UGT2A2: variants seen among roughly 807,000 people sequenced by gnomAD.
UGT2A2 encodes the protein UDP-glucuronosyltransferase 2A2.
A neutral mutation model predicts 50.7 loss-of-function variants in UGT2A2; 60 were observed. The observed-to-expected ratio is 1.18, with a 90% CI of 0.96 to 1.47. The LOEUF is 1.47. UGT2A2 is among the 40% of genes most tolerant of loss of function. The pLI, the probability that UGT2A2 is intolerant of heterozygous loss-of-function variation, is 0.00. For synonymous variants in UGT2A2, 242 were observed against 214.6 expected (o/e 1.13, Z -1.11); for missense variants, 762 against 634.0 (o/e 1.20, Z -2.17).
intron 1 of UGT2A2, among the ~76,000 whole-genome samples, chr4:69,614,042 T>G (rs1720221749): frequency 1.3e-5 from 2 of 151,984 alleles, no homozygotes; most frequent in Admixed American, 6.6e-5. Context: ...TCAATTATTC[T>G]TATTTACAAA....
chr4:69,618,021 G>T (rs940464928), intron 1 of UGT2A2, among the ~76,000 whole-genome samples: 1 of 151,736 alleles, frequency 6.6e-6, no homozygotes, highest in African/African-American at 2.4e-5. Flanking sequence ...AATTTTCCAG[G>T]CCTTAAGAAT....
At chr4:69,614,188 C>A (rs1353763111) in intron 1 of UGT2A2, among the ~76,000 whole-genome samples, 1 of 151,622 alleles carries the variant, frequency 6.6e-6, no homozygotes, top group South Asian at 2.1e-4. Flanking sequence ...AACAGTGAAC[C>A]ATATGTTAAA....
intron 1 of UGT2A2, among the ~76,000 whole-genome samples, chr4:69,638,011 G>A (rs1721816169): frequency 6.7e-6 from 1 of 148,546 alleles, no homozygotes; most frequent in Non-Finnish European, 1.5e-5. Flanking sequence ...AAGGAAGGAA[G>A]GAAGGAAGGA....
At chr4:69,627,939 T>A (rs1161660971) in intron 1 of UGT2A2, among the ~76,000 whole-genome samples, 2 of 151,978 alleles carry the variant, frequency 1.3e-5, no homozygotes, top group African/African-American at 4.8e-5. Flanking sequence ...ATATATGTCT[T>A]ACGAATATTC....
At chr4:69,631,652 G>A (rs566282057) in intron 1 of UGT2A2, among the ~76,000 whole-genome samples, 22 of 152,266 alleles carry the variant, frequency 1.4e-4, no homozygotes, top group African/African-American at 4.6e-4. Context: ...AGCAAGGAGA[G>A]GAGTGTGTAC....
intron 1 of UGT2A2, among the ~76,000 whole-genome samples, chr4:69,626,201 G>T (rs1430622112): frequency 6.6e-6 from 1 of 150,954 alleles, no homozygotes; most frequent in Non-Finnish European, 1.5e-5. Flanking sequence ...CTGGTAGAGA[G>T]ATATTTGTAA....
At position 69,594,336 on chromosome 4, in the gene UGT2A2, G is replaced by C. The variant is rs944416728; in HGVS notation, c.1331+141C>G. The C allele has an allele frequency of 4.3e-6, 5 of 1,154,870 alleles. No homozygotes were observed. In the African/African-American group the frequency reaches 7.9e-5, roughly 18 times the overall value. 71.5% of individuals were successfully genotyped at this position (1,154,870 alleles called of 1,614,324 possible). On this transcript the variant is annotated intron_variant, in intron 5 of 5. Transcript: ENST00000604629. ...TTCAGCAAATCACTTTAGCAGTTTGGCAAATAAAATAGTTTTTATATTGGT... is the reference window on the plus strand; with the variant it reads ...TTCAGCAAATCACTTTAGCAGTTTGCCAAATAAAATAGTTTTTATATTGGT...
At chr4:69,606,394 A>C (rs1209958168) in intron 1 of UGT2A2, among the ~76,000 whole-genome samples, 2 of 136,746 alleles carry the variant, frequency 1.5e-5, no homozygotes, top group Non-Finnish European at 3.1e-5. Context: ...AAAAACTCTC[A>C]ATAAATTAGG....
chr4:69,615,543 C>G (rs1266325319), intron 1 of UGT2A2, among the ~76,000 whole-genome samples: 1 of 151,878 alleles, frequency 6.6e-6, no homozygotes, highest in African/African-American at 2.4e-5. Context: ...AATGAGTAAT[C>G]AAAAAGAAAT....
intron 1 of UGT2A2, among the ~76,000 whole-genome samples, chr4:69,626,194 G>A (rs1010229996): frequency 4.6e-5 from 7 of 150,850 alleles, no homozygotes; most frequent in African/African-American, 1.2e-4. Context: ...CTTTGATCTG[G>A]TAGAGAGATA....
chr4:69,639,190 C>G lies in UGT2A2; in HGVS notation c.451G>C (p.Gly151Arg), dbSNP rs767538678. 19 of 1,613,562 alleles carry G rather than the reference C, an allele frequency of 1.2e-5. No homozygotes were observed. The East Asian group carries it at 4.2e-4, about 36-fold the overall frequency. The change falls in exon 1 of 6, where the codon GGT becomes CGT. Residue 151 changes from glycine to arginine, a missense_variant. Gly to Arg is a moderately radical substitution (Grantham distance 125, BLOSUM62 -2). Transcript: ENST00000604629. The stretch of plus-strand genomic sequence containing the variant: ...TCTGCTACCAACACATCAAAACCAC[C>G]TTTCTGAAGTCTTGCCATCAACTTT... ...NPKLMARLQK[G>R]GFDVLVADPV...
Position 69,606,031 on chromosome 4 carries a change from C to T in UGT2A2, c.743-6637G>A, listed in dbSNP as rs1266085534. Among the ~76,000 whole-genome samples the T allele has an allele frequency of 2.2e-5, 3 of 136,540 alleles. 1 individual carries two copies. Among genetic ancestry groups the T allele is most frequent in the Non-Finnish European group, 4.7e-5 (3 of 64,222 alleles). The allele number at this position is 136,540 out of a possible 152,430, so 89.6% of individuals were successfully genotyped here. A position where few individuals can be genotyped will look rare whatever the true frequency, so the allele number is the denominator to read the frequency against. ...TGGTACCATTCCTTCTGAAACTATTCCAAGCAATAGAAAAAGAGGGAATCC... is the reference window on the plus strand; with the variant it reads ...TGGTACCATTCCTTCTGAAACTATTTCAAGCAATAGAAAAAGAGGGAATCC... On this transcript the variant is annotated intron_variant, in intron 1 of 5. Transcript: ENST00000604629.
At chr4:69,590,604 T>C (rs1017872321) in intron 5 of UGT2A2, among the ~76,000 whole-genome samples, 4 of 151,844 alleles carry the variant, frequency 2.6e-5, no homozygotes, top group Non-Finnish European at 5.9e-5. Flanking sequence ...ATGGTACAAC[T>C]AGATTCAGCA....
At chr4:69,627,541 A>AGC (rs773803006) in intron 1 of UGT2A2, among the ~76,000 whole-genome samples, 4 of 101,036 alleles carry the variant, frequency 4.0e-5, no homozygotes, top group African/African-American at 1.2e-4. Context: ...AGAAAGAGAG[A>AGC]GAGAGAAAGA....
At chr4:69,627,463 A>AGCAG (rs1002480493) in intron 1 of UGT2A2, among the ~76,000 whole-genome samples, 25 of 63,906 alleles carry the variant, frequency 3.9e-4, no homozygotes, top group South Asian at 1.1e-3. Flanking sequence ...CAGACAGGCA[A>AGCAG]GCAGGCAGGC....
chr4:69,635,843 AAAAAAAAGAGAG>A (rs1721665334), intron 1 of UGT2A2: 2 of 136,538 alleles, frequency 1.5e-5, no homozygotes, highest in African/African-American at 7.0e-5. Flanking sequence ...AAAAAAAAAA[AAAAAAAAGAGAG>A]AGAGAGAGAG....
chr4:69,623,251 C>T (rs367656560), intron 1 of UGT2A2, among the ~76,000 whole-genome samples: 11 of 151,754 alleles, frequency 7.2e-5, no homozygotes, highest in African/African-American at 1.9e-4. Flanking sequence ...ACCACTACCC[C>T]ATTTCTACCA....
intron 1 of UGT2A2, among the ~76,000 whole-genome samples, chr4:69,622,003 C>T (rs1471089094): frequency 1.3e-5 from 2 of 151,518 alleles, no homozygotes; most frequent in African/African-American, 4.8e-5. Context: ...GTAAGGCCTA[C>T]TTGAGGGTGG....
intron 5 of UGT2A2, among the ~76,000 whole-genome samples, chr4:69,593,103 A>G (rs1325684850): frequency 6.6e-6 from 1 of 152,148 alleles, no homozygotes; most frequent in Non-Finnish European, 1.5e-5. Context: ...AATATATTGT[A>G]TTCAGATAAA....
Sources: gnomAD v4.1 joint callset for allele counts (sites outside exome capture counted in the v4.1 genomes callset) on GRCh38, gnomAD v4.1.1 for gene constraint, MANE v1.5 for transcripts, NCBI Gene and HGNC (gene_info 2026-07-23, HGNC 2026-07-21) for gene names.